Variants in LNPEP observed in about 807,000 individuals in gnomAD.
The protein encoded by LNPEP is leucyl and cystinyl aminopeptidase.
Under a neutral mutation model 120.6 loss-of-function variants are expected in LNPEP, and 64 were observed. The observed-to-expected ratio is 0.53, with a 90% confidence interval of 0.43 to 0.65. The LOEUF (loss-of-function observed/expected upper bound fraction) is 0.65, where lower values mean the gene tolerates loss of function less well. LNPEP is among the 30% of genes least tolerant of loss of function. The pLI, the probability that LNPEP is intolerant of heterozygous loss-of-function variation, is 0.00. For synonymous variants in LNPEP, 435 were observed against 425.4 expected, an observed-to-expected ratio of 1.02 and a Z score of -0.28; for missense variants, 1,057 against 1,200.0, an observed-to-expected ratio of 0.88 and a Z score of 1.76.
At chr5:96,987,381 ATTATTC>A (rs1266565303) in intron 4 of LNPEP, among the ~76,000 whole-genome samples, 4 of 152,156 alleles carry the variant, frequency 2.6e-5, no homozygotes, top group Non-Finnish European at 4.4e-5. Context: ...ACTAAAAACA[ATTATTC>A]TTGATGATAG....
At chr5:96,991,321 CA>C (rs1269763089) in intron 4 of LNPEP, among the ~76,000 whole-genome samples, 2 of 152,092 alleles carry the variant, frequency 1.3e-5, no homozygotes. Context: ...TGATCAATCC[CA>C]GTAGTGGGAC....
intron 8 of LNPEP, among the ~76,000 whole-genome samples, chr5:96,999,691 A>G (rs185482928): frequency 6.6e-6 from 1 of 152,218 alleles, no homozygotes; most frequent in African/African-American, 2.4e-5. Flanking sequence ...TCTGTCTGCC[A>G]CTGACCCAAA....
At chr5:97,027,075 C>T (rs895600207) in intron 16 of LNPEP, among the ~76,000 whole-genome samples, 24 of 152,236 alleles carry the variant, frequency 1.6e-4, no homozygotes, top group African/African-American at 5.1e-4. Flanking sequence ...TCTGTATGGC[C>T]GGGCGCGGTG....
intron 16 of LNPEP, among the ~76,000 whole-genome samples, chr5:97,027,474 A>G (rs1449802633): frequency 2.0e-5 from 3 of 151,990 alleles, no homozygotes; most frequent in Admixed American, 6.6e-5. Flanking sequence ...CAATAATGGC[A>G]TTTCTGGGTG....
intron 13 of LNPEP, among the ~76,000 whole-genome samples, chr5:97,019,760 AT>A (rs377219177): frequency 6.6e-6 from 1 of 151,234 alleles, no homozygotes; most frequent in South Asian, 2.1e-4. Context: ...CAAGCATGTG[AT>A]TTTTTTTCTC....
intron 1 of LNPEP, among the ~76,000 whole-genome samples, chr5:96,970,960 C>G (rs1789846803): frequency 6.6e-6 from 1 of 151,986 alleles, no homozygotes; most frequent in Non-Finnish European, 1.5e-5. Flanking sequence ...GGTATTCTCT[C>G]CTTCCTGAAG....
chr5:97,027,876 G>A, intron 17 of LNPEP, 62 bp downstream of exon 17: 1 of 990,252 alleles, frequency 1.0e-6, no homozygotes, highest in Non-Finnish European at 1.6e-6. Context: ...GGACCAGGCT[G>A]CTCAGTTTTA....
Position 96,979,583 on chromosome 5 carries a change from A to C in LNPEP, c.465A>C (p.Ala155=), listed in dbSNP as rs569426977. Residue 155 remains alanine, a synonymous_variant, in exon 2 of 18, where the codon GCA becomes GCC. Coordinates refer to ENST00000231368, the MANE Select transcript of LNPEP (RefSeq NM_005575.3). The stretch of plus-strand genomic sequence containing the variant: ...CAATTGGACTAATTCAGCCATTTGC[A>C]ACAAATGGGAAATTGTTTCCATGGG... ...NQSIGLIQPF[A]TNGKLFPWAQ... 1.2e-6 allele frequency: 2 copies of C among 1,614,080 alleles called. No homozygotes were observed. The highest frequency in any genetic ancestry group is 1.1e-5 in the South Asian group (1 of 91,082).
At chr5:97,003,642 A>G (rs949095213) in intron 9 of LNPEP, 96 bp downstream of exon 9, 5 of 790,924 alleles carry the variant, frequency 6.3e-6, no homozygotes, top group Non-Finnish European at 9.4e-6. Context: ...AATCTGTGGT[A>G]CAAAGCATAG....
At chr5:97,002,987 C>T (rs1790689667) in intron 8 of LNPEP, among the ~76,000 whole-genome samples, 1 of 152,096 alleles carries the variant, frequency 6.6e-6, no homozygotes. Context: ...TTTTGAGAGC[C>T]TTGTCAATTT....
At chr5:96,997,099 G>T (rs1790532827) in intron 7 of LNPEP, among the ~76,000 whole-genome samples, 1 of 151,924 alleles carries the variant, frequency 6.6e-6, no homozygotes, top group South Asian at 2.1e-4. Flanking sequence ...AGACTCTTGG[G>T]AAATATTTCC....
chr5:96,952,724 A>T (rs1188129226), intron 1 of LNPEP, among the ~76,000 whole-genome samples: 1 of 151,862 alleles, frequency 6.6e-6, no homozygotes, highest in African/African-American at 2.4e-5. Context: ...TTTTATCCCC[A>T]TTTTTTTTGT....
chr5:96,945,036 T>G (rs1158473650), intron 1 of LNPEP, among the ~76,000 whole-genome samples: 1 of 152,056 alleles, frequency 6.6e-6, no homozygotes, highest in African/African-American at 2.4e-5. Context: ...TTTCAGAGAA[T>G]AGATGGTTAT....
intron 1 of LNPEP, chr5:96,942,162 G>T (rs932439484): frequency 6.6e-6 from 1 of 152,136 alleles, no homozygotes; most frequent in Admixed American, 6.5e-5. Context: ...TCAGTCACTC[G>T]TAAGTTGGGA....
In LNPEP at chr5:97,034,112, C is replaced by A. The variant is rs1386078941; in HGVS notation, c.*5579C>A. On this transcript the variant is annotated 3_prime_UTR_variant, in exon 18 of 18. Transcript: ENST00000231368. ...GATGTATGAAAATCTCCTCTTTTCC[C>A]CTTTCCTTATTGCCTCTGTAGGCAA... is the stretch of plus-strand genomic sequence containing the variant. The A allele has an allele frequency of 6.6e-6, 1 of 152,084 alleles. No homozygotes were observed. Among genetic ancestry groups the A allele is most frequent in the East Asian group, 1.9e-4 (1 of 5,188 alleles). 9.4% of individuals were successfully genotyped at this position (152,084 alleles called of 1,614,324 possible). A position where few individuals can be genotyped will look rare whatever the true frequency, so the allele number is the denominator to read the frequency against.
intron 4 of LNPEP, among the ~76,000 whole-genome samples, chr5:96,987,200 G>A (rs1199009777): frequency 6.6e-6 from 1 of 152,016 alleles, no homozygotes; most frequent in Non-Finnish European, 1.5e-5. Flanking sequence ...TGGTTTATCT[G>A]TATTTTGCCA....
intron 8 of LNPEP, among the ~76,000 whole-genome samples, chr5:97,002,285 C>T (rs775304401): frequency 2.0e-5 from 3 of 152,058 alleles, no homozygotes; most frequent in Non-Finnish European, 2.9e-5. Flanking sequence ...AACAAAAAAA[C>T]AGCACGGTAA....
intron 1 of LNPEP, among the ~76,000 whole-genome samples, chr5:96,948,597 A>G (rs1384533230): frequency 6.6e-6 from 1 of 152,214 alleles, no homozygotes; most frequent in African/African-American, 2.4e-5. Context: ...ACCTTGTTCT[A>G]AGCTTTGTTC....
intron 1 of LNPEP, among the ~76,000 whole-genome samples, chr5:96,971,688 G>A (rs1360926055): frequency 6.6e-6 from 1 of 151,846 alleles, no homozygotes; most frequent in Non-Finnish European, 1.5e-5. Context: ...AGTCCATTTA[G>A]TAACTTTTTC....
Sources: allele counts gnomAD v4.1 joint callset (sites outside exome capture counted in the v4.1 genomes callset), GRCh38; gene constraint gnomAD v4.1.1; transcripts MANE v1.5; gene names NCBI Gene and HGNC (gene_info 2026-07-23, HGNC 2026-07-21).